IL2RA: variants seen among roughly 807,000 people sequenced by gnomAD.
IL2RA encodes interleukin 2 receptor subunit alpha.
Under a neutral mutation model 37.8 loss-of-function variants are expected in IL2RA, and 24 were observed. The observed-to-expected ratio is 0.63, with a 90% CI of 0.46 to 0.89. The LOEUF is 0.89. Among genes scored for constraint, IL2RA ranks in the 40% least tolerant of loss-of-function variants. The pLI is 0.00. For missense variants in IL2RA, 319 were observed against 348.6 expected, an observed-to-expected ratio of 0.92 and a Z score of 0.68; for synonymous variants, 125 against 114.6, an observed-to-expected ratio of 1.09 and a Z score of -0.58.
In IL2RA at chr10:6,020,931, A is replaced by ATGTGTGTGTG. The variant is rs59002005; in HGVS notation, c.583+537_583+546dup. The stretch of plus-strand genomic sequence containing the variant: ...CGGTGGGCTGAGCATTTGCATGAGT[A>ATGTGTGTGTG]TGTGTGTGTGTGTGTGTGTGTGCGC... On this transcript the variant is annotated intron_variant, in intron 4 of 7. Transcript: ENST00000379959. This position sits in a 1 kb window ranked among gnomAD's most constrained non-coding sequence, Gnocchi z 5.6. Among the ~76,000 whole-genome samples, 5 of 150,024 alleles carry ATGTGTGTGTG rather than the reference A, an allele frequency of 3.3e-5. No homozygotes were observed. The highest frequency in any genetic ancestry group is 2.6e-4 in the Admixed American group (4 of 15,124).
rs1007243060 is a variant in IL2RA, at chr10:6,033,432, G to A, written c.65-7407C>T. Among the ~76,000 whole-genome samples the A allele has an allele frequency of 3.4e-4, 51 of 152,218 alleles. No homozygotes were observed. Among genetic ancestry groups the A allele is most frequent in the African/African-American group, 1.1e-3 (44 of 41,534 alleles). On this transcript the variant is annotated intron_variant, in intron 1 of 7. Transcript: ENST00000379959. The surrounding 1 kb of genome is among the most constrained non-coding windows in gnomAD (Gnocchi z 4.3). ...TTATCTAAGAGGAATGAAGGGATGT[G>A]TCTACAGAAAGACTTTTATAAAATA...
At chr10:6,016,498 T>A (rs546826324) in intron 7 of IL2RA, among the ~76,000 whole-genome samples, 2 of 144,330 alleles carry the variant, frequency 1.4e-5, no homozygotes, top group Non-Finnish European at 3.0e-5. Context: ...TTTATCTCAA[T>A]TAAAAATACG....
Position 6,046,076 on chromosome 10 carries a change from G to C in IL2RA, c.64+16012C>G, listed in dbSNP as rs904490125. On this transcript the variant is annotated intron_variant, in intron 1 of 7. Transcript: ENST00000379959. The surrounding 1 kb of genome is among the most constrained non-coding windows in gnomAD (Gnocchi z 4.8). Reference sequence around the variant, plus strand: ...GAGCTCTCCTCAGGGGTTCCCAGCAGCCAGGCTCACTCTGCCCTGCTCCTC... The same window carrying C: ...GAGCTCTCCTCAGGGGTTCCCAGCACCCAGGCTCACTCTGCCCTGCTCCTC... Among the ~76,000 whole-genome samples, 1 of 152,140 alleles carries C rather than the reference G, an allele frequency of 6.6e-6. No individual in the cohort carries two copies. Among genetic ancestry groups the C allele is most frequent in the Non-Finnish European group, 1.5e-5 (1 of 68,024 alleles).
chr10:6,055,701 T>C lies in IL2RA; in HGVS notation c.64+6387A>G, dbSNP rs762583183. The stretch of plus-strand genomic sequence containing the variant: ...AGCCGCCATTGTCATCCTGGCCCGC[T>C]CTCAATGAGCTGTTGGGCACACCTC... On this transcript the variant is annotated intron_variant, in intron 1 of 7. Transcript: ENST00000379959. Among the ~76,000 whole-genome samples, 219 of 29,520 alleles carry C rather than the reference T, an allele frequency of 7.4e-3. 6 individuals are homozygous for C. The highest frequency in any genetic ancestry group is 0.015 in the South Asian group (9 of 618). The allele number at this position is 29,520 out of a possible 152,430, so 19.4% of individuals were successfully genotyped here.
intron 2 of IL2RA, 89 bp from the exon 3 acceptor site, chr10:6,024,443 C>T (rs1172324051): frequency 2.1e-6 from 2 of 971,928 alleles, no homozygotes; most frequent in African/African-American, 3.2e-5. Flanking sequence ...GAGAAGCACA[C>T]CTGTCCAGGG....
Position 6,014,702 on chromosome 10 carries a change from A to T in IL2RA, c.795-1806T>A, listed in dbSNP as rs1839248232. 6.6e-6 allele frequency among the ~76,000 whole-genome samples: 1 copy of T among 152,224 alleles called. No homozygotes were observed. The highest frequency in any genetic ancestry group is 1.5e-5 in the Non-Finnish European group (1 of 68,044). On this transcript the variant is annotated intron_variant, in intron 7 of 7. Transcript: ENST00000379959. This position sits in a 1 kb window ranked among gnomAD's most constrained non-coding sequence, Gnocchi z 4.4. The stretch of plus-strand genomic sequence containing the variant: ...ACATCCTTCCCCTCCTGGAAGCCTA[A>T]AATGACACCTTAGGAGTCAGCTAAC...
At position 6,062,351 on chromosome 10, in the gene IL2RA, T is replaced by A; in HGVS notation, c.-200A>T. The stretch of plus-strand genomic sequence containing the variant: ...GCTCTCTTTAAGTATTGGGCTGGCG[T>A]GTTCAGCCAGGAAACTGCCTAGCAC... On this transcript the variant is annotated 5_prime_UTR_variant, in exon 1 of 8. Transcript: ENST00000379959. 2.0e-6 allele frequency: 1 copy of A among 507,324 alleles called. No individual in the cohort carries two copies. Among genetic ancestry groups the A allele is most frequent in the South Asian group, 2.5e-5 (1 of 40,492 alleles). 31.4% of individuals were successfully genotyped at this position (507,324 alleles called of 1,614,324 possible). A position where few individuals can be genotyped will look rare whatever the true frequency, so the allele number is the denominator to read the frequency against.
chr10:6,039,587 A>C (rs906471906), intron 1 of IL2RA: 1 of 152,172 alleles, frequency 6.6e-6, no homozygotes, highest in Non-Finnish European at 1.5e-5. Context: ...AAGGCAAGTT[A>C]GGGGCAAAGA....
rs1356136083 is a variant in IL2RA, at chr10:6,025,402, T to C, written c.256+432A>G. 6.6e-6 allele frequency among the ~76,000 whole-genome samples: 1 copy of C among 151,232 alleles called. No homozygotes were observed. Among genetic ancestry groups the C allele is most frequent in the Non-Finnish European group, 1.5e-5 (1 of 67,890 alleles). ...CGGGCACTGTGACTCATGCCTGTAA[T>C]CCCAGCATTTTGGGTGGCTGAGATG... On this transcript the variant is annotated intron_variant, in intron 2 of 7. Transcript: ENST00000379959. The surrounding 1 kb of genome is among the most constrained non-coding windows in gnomAD (Gnocchi z 4.4).
At position 6,034,066 on chromosome 10, in the gene IL2RA, G is replaced by T. The variant is rs142223690; in HGVS notation, c.65-8041C>A. Among the ~76,000 whole-genome samples the T allele has an allele frequency of 2.0e-3, 312 of 152,284 alleles. 4 individuals carry two copies. Among genetic ancestry groups the T allele is most frequent in the African/African-American group, 6.8e-3 (282 of 41,550 alleles). ...TGAAAAGAAGGAAACAAATTGTCTT[G>T]GAAGCTATTTTGTGCCCTTAGAAAC... On this transcript the variant is annotated intron_variant, in intron 1 of 7. Transcript: ENST00000379959.
chr10:6,041,631 G>A (rs1839773438), intron 1 of IL2RA, among the ~76,000 whole-genome samples: 1 of 152,196 alleles, frequency 6.6e-6, no homozygotes, highest in Admixed American at 6.5e-5. Context: ...AAGCTTGCTT[G>A]TAAAAGACAG....
intron 2 of IL2RA, 108 bp from the exon 3 acceptor site, chr10:6,024,462 GT>G (rs1259713295): frequency 5.2e-6 from 4 of 770,342 alleles, no homozygotes; most frequent in Non-Finnish European, 9.0e-6. Context: ...GGCCCACGAT[GT>G]GTCTGGTGGT....
chr10:6,037,072 G>T (rs7893467), intron 1 of IL2RA, among the ~76,000 whole-genome samples: 134,785 of 152,102 alleles, frequency 0.89, 60,085 homozygotes, highest in East Asian at 1. Flanking sequence ...TCTGCCCCCT[G>T]GGTGAGGACA....
At chr10:6,042,903 A>T (rs967224591) in intron 1 of IL2RA, among the ~76,000 whole-genome samples, 1 of 152,220 alleles carries the variant, frequency 6.6e-6, no homozygotes, top group African/African-American at 2.4e-5. Flanking sequence ...GAAATTTCAT[A>T]AATTGCTGAT....
rs559720581 is a variant in IL2RA, at chr10:6,012,633, C to G, written c.*239G>C. On this transcript the variant is annotated 3_prime_UTR_variant, in exon 8 of 8. Coordinates refer to ENST00000379959, the MANE Select transcript of IL2RA (RefSeq NM_000417.3). The surrounding 1 kb of genome is among the most constrained non-coding windows in gnomAD (Gnocchi z 4.8). ...TAGTGGTTTTGCCCTTCCTCTTCAA[C>G]GGCGAAATTGCTATTTAGAAGTGGG... is the stretch of plus-strand genomic sequence containing the variant. The G allele has an allele frequency of 1.7e-6, 1 of 596,036 alleles. No individual in the cohort carries two copies. Among genetic ancestry groups the G allele is most frequent in the African/African-American group, 1.9e-5 (1 of 53,674 alleles). The allele number at this position is 596,036 out of a possible 1,614,324, so 36.9% of individuals were successfully genotyped here.
At position 6,062,285 on chromosome 10, in the gene IL2RA, A is replaced by C. The variant is rs1588330473; in HGVS notation, c.-134T>G. ...GGAAGATCGGTCCGCCTGGGCTGTCACCCTTGTGGGTCCATCCAGTCTCTA... is the reference window on the plus strand; with the variant it reads ...GGAAGATCGGTCCGCCTGGGCTGTCCCCCTTGTGGGTCCATCCAGTCTCTA... On this transcript the variant is annotated 5_prime_UTR_variant, in exon 1 of 8. It removes the in-frame stop codon of an upstream open reading frame in the 5' UTR. Transcript: ENST00000379959. 1.4e-6 allele frequency: 1 copy of C among 728,608 alleles called. No individual in the cohort carries two copies. 45.1% of individuals were successfully genotyped at this position (728,608 alleles called of 1,614,324 possible).
At chr10:6,039,876 C>T (rs993570741) in intron 1 of IL2RA, 2 of 152,266 alleles carry the variant, frequency 1.3e-5, no homozygotes, top group Non-Finnish European at 2.9e-5. Context: ...TGCTGGGAAT[C>T]CTGCCCCTGC....
chr10:6,019,366 G>C lies in IL2RA; in HGVS notation c.727+62C>G, dbSNP rs1839340044. The C allele has an allele frequency of 9.3e-6, 12 of 1,290,626 alleles. No individual in the cohort carries two copies. In the East Asian group the frequency reaches 2.5e-4, roughly 27 times the overall value. The allele number at this position is 1,290,626 out of a possible 1,614,324, so 79.9% of individuals were successfully genotyped here. A position where few individuals can be genotyped will look rare whatever the true frequency, so the allele number is the denominator to read the frequency against. ...AACCAACTAACCAACCTACTAACCAGTCAACCTGTCCATATCTCAGCCTGG... is the reference window on the plus strand; with the variant it reads ...AACCAACTAACCAACCTACTAACCACTCAACCTGTCCATATCTCAGCCTGG... On this transcript the variant is annotated intron_variant, in intron 6 of 7. Transcript: ENST00000379959.
chr10:6,045,666 C>T (rs1368333353), intron 1 of IL2RA, among the ~76,000 whole-genome samples: 1 of 152,040 alleles, frequency 6.6e-6, no homozygotes, highest in Non-Finnish European at 1.5e-5. Flanking sequence ...TCTTTAAAAC[C>T]AATTTCTTGG....
Sources: gnomAD v4.1 joint callset for allele counts (sites outside exome capture counted in the v4.1 genomes callset) on GRCh38, gnomAD v4.1.1 for gene constraint, Gnocchi (gnomAD v3.1) non-coding constraint, MANE v1.5 for transcripts, NCBI Gene and HGNC (gene_info 2026-07-23, HGNC 2026-07-21) for gene names.